Variants in SH3BP5 observed in about 807,000 individuals in gnomAD.
SH3BP5 encodes SH3 domain binding protein 5.
A neutral mutation model predicts 43.3 loss-of-function variants in SH3BP5; 22 were observed. That is an observed-to-expected ratio of 0.51 (90% confidence interval 0.36 to 0.73). SH3BP5 has a LOEUF of 0.73. Ranked by LOEUF, SH3BP5 falls within the 30% of genes least tolerant of loss-of-function variation. SH3BP5 has a pLI of 0.00. For missense variants in SH3BP5, 529 were observed against 586.9 expected (o/e 0.90, Z 1.02); for synonymous variants, 255 against 225.8 (o/e 1.13, Z -1.16).
chr3:15,288,564 C>G (rs1225214316), intron 3 of SH3BP5, among the ~76,000 whole-genome samples: 1 of 152,146 alleles, frequency 6.6e-6, no homozygotes, highest in Non-Finnish European at 1.5e-5. Flanking sequence ...TCAAGACCAG[C>G]CTGTGGAACA....
At chr3:15,280,905 G>C (rs1697109356) in intron 3 of SH3BP5, among the ~76,000 whole-genome samples, 2 of 152,192 alleles carry the variant, frequency 1.3e-5, no homozygotes, top group Admixed American at 6.6e-5. Context: ...TCCTCCACTG[G>C]GATGCACGAT....
chr3:15,325,796 G>A (rs1176020498), intron 2 of SH3BP5, among the ~76,000 whole-genome samples: 2 of 152,218 alleles, frequency 1.3e-5, no homozygotes, highest in Non-Finnish European at 2.9e-5. Context: ...AAGGGAGGCA[G>A]ATCGCTCTCA....
intron 6 of SH3BP5, 80 bp from the exon 7 acceptor site, chr3:15,259,130 T>C: frequency 8.8e-7 from 1 of 1,135,006 alleles, no homozygotes; most frequent in South Asian, 1.3e-5. Context: ...TTCAAGTACA[T>C]TTTCTGCCCA....
At chr3:15,270,925 CA>C (rs36096504) in intron 3 of SH3BP5, among the ~76,000 whole-genome samples, 2,809 of 98,334 alleles carry the variant, frequency 0.029, 59 homozygotes, top group East Asian at 0.18. Context: ...GACTCCATCT[CA>C]AAAAAAAAAA....
Position 15,256,716 on chromosome 3 carries a change from A to G in SH3BP5, c.1150+137T>C, listed in dbSNP as rs528294075. 31 of 1,047,066 alleles carry G rather than the reference A, an allele frequency of 3.0e-5. 1 individual carries two copies. In the South Asian group the frequency reaches 4.5e-4, roughly 15 times the overall value. The allele number at this position is 1,047,066 out of a possible 1,614,324, so 64.9% of individuals were successfully genotyped here. Reference sequence around the variant, plus strand: ...CACTTGGAAACAACCTCAGTGATCAATACTGACAGCACAACCACAGAGACC... The same window carrying G: ...CACTTGGAAACAACCTCAGTGATCAGTACTGACAGCACAACCACAGAGACC... On this transcript the variant is annotated intron_variant, in intron 8 of 8. Transcript: ENST00000383791.
In SH3BP5 at chr3:15,271,407, C is replaced by T. The variant is rs552448797; in HGVS notation, c.331-1530G>A. On this transcript the variant is annotated intron_variant, in intron 3 of 8. Transcript: ENST00000383791. ...AGATTAAATTCACAGAGGCTGGGCACGGTGGCTCAAACCTGTAATCCCAGC... is the reference window on the plus strand; with the variant it reads ...AGATTAAATTCACAGAGGCTGGGCATGGTGGCTCAAACCTGTAATCCCAGC... Among the ~76,000 whole-genome samples, 16 of 152,100 alleles carry T rather than the reference C, an allele frequency of 1.1e-4. No homozygotes were observed. The East Asian group carries it at 2.5e-3, about 24-fold the overall frequency.
chr3:15,265,512 T>TCACA (rs368955496), intron 4 of SH3BP5, among the ~76,000 whole-genome samples: 6,530 of 107,864 alleles, frequency 0.061, 312 homozygotes, highest in African/African-American at 0.07. Context: ...CGAGACTCCG[T>TCACA]CACACACACA....
chr3:15,258,769 C>G, intron 7 of SH3BP5, 62 bp downstream of exon 7: 1 of 1,460,856 alleles, frequency 6.8e-7, no homozygotes, highest in Admixed American at 1.7e-5. Context: ...AAGTGAGGAC[C>G]TTGGGAAACA....
intron 5 of SH3BP5, 87 bp downstream of exon 5, chr3:15,262,072 G>A: frequency 4.0e-6 from 6 of 1,495,100 alleles, no homozygotes; most frequent in Non-Finnish European, 5.5e-6. Context: ...ACTCAGGGTG[G>A]TCCTTGAGTG....
intron 3 of SH3BP5, among the ~76,000 whole-genome samples, chr3:15,284,356 A>G (rs1054304185): frequency 6.6e-6 from 1 of 152,146 alleles, no homozygotes; most frequent in African/African-American, 2.4e-5. Flanking sequence ...TGTATCCAGC[A>G]TGGGTTCTTT....
intron 5 of SH3BP5, 153 bp from the exon 6 acceptor site, chr3:15,259,956 G>C (rs756164485): frequency 7.4e-5 from 51 of 686,638 alleles, no homozygotes; most frequent in Admixed American, 1.2e-4. Context: ...TGTCAGTGAT[G>C]CTCCTAGCTC....
intron 3 of SH3BP5, among the ~76,000 whole-genome samples, chr3:15,285,387 C>T (rs774928102): frequency 6.6e-6 from 1 of 152,162 alleles, no homozygotes; most frequent in Non-Finnish European, 1.5e-5. Flanking sequence ...CTAACTCATT[C>T]CCCGCTCCGC....
Position 15,269,695 on chromosome 3 carries a change from C to T in SH3BP5, c.495+18G>A, listed in dbSNP as rs1696745236. ...TGCACGCGCACACCCCCACAGCACA[C>T]CCGGCCATGACTCATACCCTCTGAG... On this transcript the variant is annotated intron_variant, in intron 4 of 8. Transcript: ENST00000383791. 5.2e-6 allele frequency: 8 copies of T among 1,550,012 alleles called. No individual in the cohort carries two copies. Among genetic ancestry groups the T allele is most frequent in the Non-Finnish European group, 7.0e-6 (8 of 1,142,202 alleles).
chr3:15,327,452 T>C (rs1443437840), intron 2 of SH3BP5, among the ~76,000 whole-genome samples: 1 of 152,164 alleles, frequency 6.6e-6, no homozygotes, highest in Non-Finnish European at 1.5e-5. Context: ...ATGGCTCATT[T>C]TCCTGCCCCC....
At chr3:15,258,033 T>C (rs1696286176) in intron 7 of SH3BP5, 1 of 152,248 alleles carries the variant, frequency 6.6e-6, no homozygotes, top group East Asian at 1.9e-4. Flanking sequence ...GGGTTTGAGA[T>C]GATGTATATA....
chr3:15,331,725 A>G (rs1417933219), intron 1 of SH3BP5: 4 of 152,512 alleles, frequency 2.6e-5, no homozygotes, highest in Admixed American at 6.5e-5. Flanking sequence ...AGTGATGACA[A>G]TAAGCCGCTC....
intron 3 of SH3BP5, among the ~76,000 whole-genome samples, chr3:15,281,222 C>T (rs567479171): frequency 6.6e-6 from 1 of 152,240 alleles, no homozygotes; most frequent in African/African-American, 2.4e-5. Context: ...AACAGGGTTT[C>T]ACCATGTTGG....
intron 2 of SH3BP5, among the ~76,000 whole-genome samples, chr3:15,318,163 A>G (rs1281932368): frequency 6.6e-6 from 1 of 152,226 alleles, no homozygotes; most frequent in Non-Finnish European, 1.5e-5. Flanking sequence ...GTAGCCACTT[A>G]GCACAAAACT....
chr3:15,270,509 G>A (rs1406055065), intron 3 of SH3BP5, among the ~76,000 whole-genome samples: 7 of 152,140 alleles, frequency 4.6e-5, no homozygotes, highest in Admixed American at 6.5e-5. Flanking sequence ...CAAAGAGAAG[G>A]ACCTAATTAA....
Sources: gnomAD v4.1 joint callset for allele counts (sites outside exome capture counted in the v4.1 genomes callset) on GRCh38, gnomAD v4.1.1 for gene constraint, MANE v1.5 for transcripts, NCBI Gene and HGNC (gene_info 2026-07-23, HGNC 2026-07-21) for gene names.